The following ENO1 variants were observed in gnomAD, a reference collection of about 807,000 sequenced individuals.
ENO1 encodes enolase 1.
Under a neutral mutation model 46.3 loss-of-function variants are expected in ENO1, and 33 were observed. That is an observed-to-expected ratio of 0.71 (90% CI 0.54 to 0.95). ENO1 has a LOEUF of 0.95. ENO1 is among the 40% of genes least tolerant of loss of function. The probability of loss-of-function intolerance (pLI) is 0.00; values close to 1 mark genes in which losing one functional copy is unlikely to be tolerated. For missense variants in ENO1, 488 were observed against 553.3 expected, an observed-to-expected ratio of 0.88 and a Z score of 1.18; for synonymous variants, 220 against 216.0, an observed-to-expected ratio of 1.02 and a Z score of -0.16.
At chr1:8,866,146 T>C (rs942558188) in intron 7 of ENO1, 133 bp downstream of exon 7, 2 of 724,100 alleles carry the variant, frequency 2.8e-6, no homozygotes, top group Non-Finnish European at 4.5e-6. Flanking sequence ...TTAAAACCGT[T>C]TGAAGGGTCT....
intron 2 of ENO1, chr1:8,873,923 C>T (rs1283929441): frequency 2.0e-5 from 3 of 152,216 alleles, no homozygotes; most frequent in Non-Finnish European, 4.4e-5. Context: ...GGATTTTCTT[C>T]TTAAAGGAAG....
Position 8,874,934 on chromosome 1 carries a change from C to A in ENO1, c.-9-17G>T. On this transcript the variant is annotated splice_polypyrimidine_tract_variant and intron_variant, in intron 1 of 11. Coordinates refer to ENST00000234590, the MANE Select transcript of ENO1 (RefSeq NM_001428.5). Reference sequence around the variant, plus strand: ...GGTGAACTTCTGTAGAAGAAACACACAGTTCATGTTTTCCATAAGCCATAA... The same window carrying A: ...GGTGAACTTCTGTAGAAGAAACACAAAGTTCATGTTTTCCATAAGCCATAA... The A allele has an allele frequency of 1.3e-6, 2 of 1,596,464 alleles. No individual in the cohort carries two copies. The highest frequency in any genetic ancestry group is 1.7e-5 in the Admixed American group (1 of 59,402).
At chr1:8,872,060 C>T (rs1642645305) in intron 2 of ENO1, 74 bp from the exon 3 acceptor site, 1 of 1,261,730 alleles carries the variant, frequency 7.9e-7, no homozygotes, top group South Asian at 1.2e-5. Flanking sequence ...CCCCTCCCGC[C>T]CACAGATGCA....
chr1:8,875,476 CCAAGAACAGACATGAAGGTCA>C (rs932467728), intron 1 of ENO1, among the ~76,000 whole-genome samples: 6 of 152,090 alleles, frequency 3.9e-5, no homozygotes, highest in Non-Finnish European at 5.9e-5. Context: ...TGGAAAGGAA[CCAAGAACAGACATGAAGGTCA>C]CAAGCAAAAC....
chr1:8,869,257 G>T (rs1038347191), intron 4 of ENO1, among the ~76,000 whole-genome samples: 1 of 152,206 alleles, frequency 6.6e-6, no homozygotes, highest in Non-Finnish European at 1.5e-5. Context: ...CCTGCTCATC[G>T]TGTGAGTCAC....
rs1171472419 is a variant in ENO1, at chr1:8,870,760, GGTTA to G, written c.182-254_182-251del. On this transcript the variant is annotated intron_variant, in intron 3 of 11. Coordinates refer to ENST00000234590, the MANE Select transcript of ENO1 (RefSeq NM_001428.5). Reference sequence around the variant, plus strand: ...GCTGGCTCAGAACGATCTGACTGGAGGTTAGTTTGCAAGACCATGCACTGGAAAC... The same window carrying G: ...GCTGGCTCAGAACGATCTGACTGGAGGTTTGCAAGACCATGCACTGGAAAC... The G allele has an allele frequency of 3.8e-5, 54 of 1,419,310 alleles. 1 individual carries two copies. The highest frequency in any genetic ancestry group is 1.4e-4 in the South Asian group (9 of 64,304). 87.9% of individuals were successfully genotyped at this position (1,419,310 alleles called of 1,614,324 possible).
At chr1:8,872,763 T>C (rs1426010964) in intron 2 of ENO1, among the ~76,000 whole-genome samples, 1 of 152,186 alleles carries the variant, frequency 6.6e-6, no homozygotes, top group Non-Finnish European at 1.5e-5. Context: ...TGTTTCAGTT[T>C]GGACAATGCT....
At position 8,863,250 on chromosome 1, in the gene ENO1, C is replaced by T; in HGVS notation, c.1161G>A (p.Gly387=). Residue 387 remains glycine, a synonymous_variant, in exon 10 of 12, where the codon GGG becomes GGA. Transcript: ENST00000234590. ...TCATTCTTACCTGCCCAGTGCACAG[C>T]CCCACAACCAGGTCAGCGATGAAGG... ...EDTFIADLVV[G]LCTGQIKTGA... 6.2e-7 allele frequency: 1 copy of T among 1,614,136 alleles called. No homozygotes were observed. The highest frequency in any genetic ancestry group is 2.2e-5 in the East Asian group (1 of 44,878).
chr1:8,866,057 G>A (rs1246210836), intron 7 of ENO1: 2 of 479,640 alleles, frequency 4.2e-6, no homozygotes, highest in East Asian at 7.4e-5. Flanking sequence ...CTCCAGCCTG[G>A]GCGACAGAGA....
chr1:8,867,980 C>T lies in ENO1; in HGVS notation c.310+8G>A, dbSNP rs539557309. 1.9e-6 allele frequency: 3 copies of T among 1,613,520 alleles called. No homozygotes were observed. The South Asian group carries it at 3.3e-5, about 18-fold the overall frequency. Reference sequence around the variant, plus strand: ...TCCCCAGTAAAGACGCCACCTCAGGCCACTCACATTTATTTTCTGTTCCAT... The same window carrying T: ...TCCCCAGTAAAGACGCCACCTCAGGTCACTCACATTTATTTTCTGTTCCAT... On this transcript the variant is annotated splice_region_variant and intron_variant, in intron 5 of 11. Transcript: ENST00000234590.
In ENO1 at chr1:8,865,653, G is replaced by T. The variant is rs145509748; in HGVS notation, c.668-171C>A. Among the ~76,000 whole-genome samples, 238 of 152,268 alleles carry T rather than the reference G, an allele frequency of 1.6e-3. 1 individual carries two copies. The highest frequency in any genetic ancestry group is 2.7e-3 in the Non-Finnish European group (186 of 68,022). On this transcript the variant is annotated intron_variant, in intron 7 of 11. Transcript: ENST00000234590. ...TCTGCTTTGGGGCAAGAAACCATGG[G>T]TCAGAGTTCTTGGTGCATACAAAAT...
chr1:8,867,793 G>T (rs1642554179), intron 5 of ENO1, among the ~76,000 whole-genome samples, 195 bp downstream of exon 5: 1 of 152,118 alleles, frequency 6.6e-6, no homozygotes, highest in Non-Finnish European at 1.5e-5. Context: ...GCCTCCTAAA[G>T]TGTTGGGATT....
In ENO1 at chr1:8,867,168, G is replaced by A. The variant is rs1642537344; in HGVS notation, c.393C>T (p.Tyr131=). ...AGAVEKGVPL[Y]RHIADLAGNS... is the part of the protein sequence containing the mutation. ...TGCCAGCCAAGTCAGCGATGTGGCG[G>A]TACAGGGGGACCCCCTTCTCAACGG... is the stretch of plus-strand genomic sequence containing the variant. Residue 131 remains tyrosine, a synonymous_variant, in exon 6 of 12, where the codon TAC becomes TAT. Coordinates refer to ENST00000234590, the MANE Select transcript of ENO1 (RefSeq NM_001428.5). 1 of 1,614,184 alleles carries A rather than the reference G, an allele frequency of 6.2e-7. No individual in the cohort carries two copies. The highest frequency in any genetic ancestry group is 1.7e-5 in the Admixed American group (1 of 60,026).
In ENO1 at chr1:8,867,142, T is replaced by G. The variant is rs962155672; in HGVS notation, c.419A>C (p.Asn140Thr). Residue 140 changes from asparagine to threonine, a missense_variant, in exon 6 of 12, where the codon AAC becomes ACC. By Grantham distance (65) the Asn-to-Thr change is moderately conservative. Coordinates refer to ENST00000234590, the MANE Select transcript of ENO1 (RefSeq NM_001428.5). Reference sequence around the variant, plus strand: ...CGGGACTGGCAGGATGACTTCAGAGTTGCCAGCCAAGTCAGCGATGTGGCG... The same window carrying G: ...CGGGACTGGCAGGATGACTTCAGAGGTGCCAGCCAAGTCAGCGATGTGGCG... ...LYRHIADLAG[N>T]SEVILPVPAF... 1 of 1,613,912 alleles carries G rather than the reference T, an allele frequency of 6.2e-7. No homozygotes were observed. The highest frequency in any genetic ancestry group is 8.5e-7 in the Non-Finnish European group (1 of 1,179,914).
At chr1:8,863,132 CAG>C in intron 10 of ENO1, 101 bp downstream of exon 10, 7 of 1,428,176 alleles carry the variant, frequency 4.9e-6, no homozygotes, top group East Asian at 2.4e-5. Flanking sequence ...AGCACTGACT[CAG>C]GGGACATGAG....
chr1:8,869,848 C>T (rs1037196375), intron 4 of ENO1, among the ~76,000 whole-genome samples: 1 of 152,208 alleles, frequency 6.6e-6, no homozygotes, highest in Non-Finnish European at 1.5e-5. Context: ...GTGTGAGCCA[C>T]TGCACCTGGC....
Position 8,866,385 on chromosome 1 carries a change from C to T in ENO1, c.561G>A (p.Glu187=), listed in dbSNP as rs754147778. The T allele has an allele frequency of 2.5e-6, 4 of 1,614,214 alleles. No homozygotes were observed. The highest frequency in any genetic ancestry group is 3.4e-6 in the Non-Finnish European group (4 of 1,180,042). ...TGACATTCTTCAGGTTGTGGTAAAC[C>T]TCTGCTCCAATGCGCATGGCTTCCC... ...NFREAMRIGA[E]VYHNLKNVIK... is the part of the protein sequence containing the mutation. The change falls in exon 7 of 12, where the codon GAG becomes GAA. Residue 187 remains glutamate, a synonymous_variant. Transcript: ENST00000234590.
chr1:8,865,446 C>A lies in ENO1; in HGVS notation c.704G>T (p.Gly235Val). Reference protein sequence around the residue: ...ELLKTAIGKAGYTDKVVIGMD... With the variant: ...ELLKTAIGKAVYTDKVVIGMD... ...GCCGATGACCACCTTATCAGTGTAGCCAGCTTTCCCAATAGCAGTCTTCAG... is the reference window on the plus strand; with the variant it reads ...GCCGATGACCACCTTATCAGTGTAGACAGCTTTCCCAATAGCAGTCTTCAG... The change falls in exon 8 of 12, where the codon GGC becomes GTC. Residue 235 changes from glycine (G) to valine (V), a missense_variant. Coordinates refer to ENST00000234590, the MANE Select transcript of ENO1 (RefSeq NM_001428.5). 6.2e-7 allele frequency: 1 copy of A among 1,613,596 alleles called. No homozygotes were observed. Among genetic ancestry groups the A allele is most frequent in the South Asian group, 1.1e-5 (1 of 91,050 alleles).
chr1:8,869,038 T>TGTGCC (rs1642579008), intron 4 of ENO1, among the ~76,000 whole-genome samples: 1 of 152,150 alleles, frequency 6.6e-6, no homozygotes, highest in Non-Finnish European at 1.5e-5. Flanking sequence ...AGGCATTATT[T>TGTGCC]TTATCTATGA....
Sources: gnomAD v4.1 joint callset for allele counts (sites outside exome capture counted in the v4.1 genomes callset) on GRCh38, gnomAD v4.1.1 for gene constraint, MANE v1.5 for transcripts, NCBI Gene and HGNC (gene_info 2026-07-23, HGNC 2026-07-21) for gene names.